Variants in PIK3R6 observed in about 807,000 individuals in gnomAD.
PIK3R6 encodes phosphoinositide-3-kinase regulatory subunit 6.
A neutral mutation model predicts 84.9 loss-of-function variants in PIK3R6; 91 were observed. That is an observed-to-expected ratio of 1.07 (90% CI 0.90 to 1.28). PIK3R6 has a LOEUF of 1.28. PIK3R6 is among the 50% of genes most tolerant of loss of function. The pLI, the probability that PIK3R6 is intolerant of heterozygous loss-of-function variation, is 0.00. For missense variants in PIK3R6, 996 were observed against 985.1 expected (o/e 1.01, Z -0.15); for synonymous variants, 416 against 411.4 (o/e 1.01, Z -0.13).
At chr17:8,840,655 AATATATATGAAATATATATATATAAAAT>A (rs2088647881) in intron 2 of PIK3R6, among the ~76,000 whole-genome samples, 1 of 147,540 alleles carries the variant, frequency 6.8e-6, no homozygotes, top group African/African-American at 2.5e-5. Context: ...ATATCCTCCA[AATATATATGAAATATATATATATAAAAT>A]ATATATATAA....
chr17:8,828,819 G>C lies in PIK3R6; in HGVS notation c.1061C>G (p.Pro354Arg), dbSNP rs1567585924. Residue 354 changes from proline (P) to arginine (R), a missense_variant, in exon 11 of 20, where the codon CCT becomes CGT. By Grantham distance (103) the Pro-to-Arg change is moderately radical. Transcript: ENST00000619866. ...CTCCATCTCAGGGCTGCCGGGTGCA[G>C]GCAGCTCATCAGCCCCCGTGGGAAG... ...RDLPTGADEL[P>R]APGSPEMERA... 6.3e-7 allele frequency: 1 copy of C among 1,591,058 alleles called. No individual in the cohort carries two copies. Among genetic ancestry groups the C allele is most frequent in the East Asian group, 2.2e-5 (1 of 44,580 alleles).
In PIK3R6 at chr17:8,854,298, G is replaced by A. The variant is rs553449071; in HGVS notation, c.-91-4413C>T. On this transcript the variant is annotated intron_variant, in intron 1 of 19. Coordinates refer to ENST00000619866, the MANE Select transcript of PIK3R6 (RefSeq NM_001010855.4). ...CAGGTAGCTGGGACTACAGGCACAC[G>A]CCACCATGCCCAGGTAATTTTTGTA... 3.9e-5 allele frequency among the ~76,000 whole-genome samples: 6 copies of A among 152,086 alleles called. No homozygotes were observed. The South Asian group carries it at 6.2e-4, about 16-fold the overall frequency.
At chr17:8,832,349 G>A (rs71369620) in intron 9 of PIK3R6, among the ~76,000 whole-genome samples, 21,198 of 147,610 alleles carry the variant, frequency 0.14, 1,814 homozygotes, top group African/African-American at 0.22. Flanking sequence ...GGCATCGGCG[G>A]TTATCATGAC....
intron 18 of PIK3R6, among the ~76,000 whole-genome samples, chr17:8,804,775 C>T (rs1567559919): frequency 6.6e-6 from 1 of 152,204 alleles, no homozygotes; most frequent in African/African-American, 2.4e-5. Flanking sequence ...GGTTGTGGTT[C>T]ATCCCACACA....
intron 11 of PIK3R6, 30 bp from the exon 12 acceptor site, chr17:8,828,220 TA>T (rs762407425): frequency 6.2e-7 from 1 of 1,607,000 alleles, no homozygotes; most frequent in Non-Finnish European, 8.5e-7. Flanking sequence ...CAGAGGAGGT[TA>T]GGGGCGGGGC....
intron 13 of PIK3R6, among the ~76,000 whole-genome samples, chr17:8,825,164 T>C (rs1296959589): frequency 1.3e-5 from 2 of 152,092 alleles, no homozygotes; most frequent in Non-Finnish European, 2.9e-5. Flanking sequence ...GACGCAAACT[T>C]TACACTTATA....
intron 18 of PIK3R6, among the ~76,000 whole-genome samples, chr17:8,815,234 T>A (rs1278992358): frequency 1.3e-5 from 2 of 152,066 alleles, no homozygotes; most frequent in Non-Finnish European, 2.9e-5. Context: ...TATTAAAAAG[T>A]TGATCATTCA....
chr17:8,829,501 GACACACACTCAT>G lies in PIK3R6; in HGVS notation c.889+193_889+204del, dbSNP rs1167886201. ...ACTCATGCACGCATACACACACACT[GACACACACTCAT>G]GCATACACACACACTGACACACGCA... On this transcript the variant is annotated intron_variant, in intron 10 of 19. Coordinates refer to ENST00000619866, the MANE Select transcript of PIK3R6 (RefSeq NM_001010855.4). Among the ~76,000 whole-genome samples, 1,073 of 123,162 alleles carry G rather than the reference GACACACACTCAT, an allele frequency of 8.7e-3. 26 individuals are homozygous for G. Among genetic ancestry groups the G allele is most frequent in the African/African-American group, 0.033 (1,016 of 30,892 alleles). 80.8% of individuals were successfully genotyped at this position (123,162 alleles called of 152,430 possible).
At chr17:8,832,513 G>T (rs1367420590) in intron 9 of PIK3R6, among the ~76,000 whole-genome samples, 2 of 149,772 alleles carry the variant, frequency 1.3e-5, no homozygotes, top group African/African-American at 2.5e-5. Flanking sequence ...ATCCCGAGTA[G>T]CTGGGACTGC....
At chr17:8,826,934 T>C (rs999639710) in intron 13 of PIK3R6, among the ~76,000 whole-genome samples, 1 of 152,188 alleles carries the variant, frequency 6.6e-6, no homozygotes, top group Non-Finnish European at 1.5e-5. Context: ...AGTACGAGCC[T>C]GGTAAGTGTC....
At chr17:8,829,432 GGATA>G (rs1567588093) in intron 10 of PIK3R6, among the ~76,000 whole-genome samples, 2 of 124,648 alleles carry the variant, frequency 1.6e-5, no homozygotes, top group African/African-American at 3.2e-5. Context: ...ACACACTCAT[GGATA>G]CACACACTGA....
chr17:8,835,188 A>G, intron 8 of PIK3R6, 85 bp downstream of exon 8: 1 of 1,283,816 alleles, frequency 7.8e-7, no homozygotes, highest in Non-Finnish European at 1.0e-6. Flanking sequence ...AAACAGGAGA[A>G]GGAGGAAGAG....
At position 8,802,925 on chromosome 17, in the gene PIK3R6, C is replaced by T. The variant is rs979862398; in HGVS notation, c.*348G>A. Reference sequence around the variant, plus strand: ...CACAGGGCTCTGGCCAAGACAGCAGCTTTAACCCTGGTTTTAAGGGCTGGA... The same window carrying T: ...CACAGGGCTCTGGCCAAGACAGCAGTTTTAACCCTGGTTTTAAGGGCTGGA... On this transcript the variant is annotated 3_prime_UTR_variant, in exon 20 of 20. Transcript: ENST00000619866. 2.3e-5 allele frequency: 6 copies of T among 261,646 alleles called. No homozygotes were observed. The highest frequency in any genetic ancestry group is 2.0e-4 in the South Asian group (5 of 24,732). The allele number at this position is 261,646 out of a possible 1,614,324, so 16.2% of individuals were successfully genotyped here. A position where few individuals can be genotyped will look rare whatever the true frequency, so the allele number is the denominator to read the frequency against.
At chr17:8,804,425 G>A (rs1434408843) in intron 18 of PIK3R6, among the ~76,000 whole-genome samples, 4 of 152,170 alleles carry the variant, frequency 2.6e-5, no homozygotes, top group Non-Finnish European at 4.4e-5. Flanking sequence ...GTGCTTGCCA[G>A]GTTGTCAAGT....
chr17:8,820,412 T>C (rs2087696421), intron 17 of PIK3R6, among the ~76,000 whole-genome samples: 1 of 146,692 alleles, frequency 6.8e-6, no homozygotes, highest in African/African-American at 2.6e-5. Flanking sequence ...ATTATCTCCA[T>C]TTTAGAAAAA....
At chr17:8,851,697 G>GT (rs1489393045) in intron 1 of PIK3R6, among the ~76,000 whole-genome samples, 1 of 152,140 alleles carries the variant, frequency 6.6e-6, no homozygotes, top group Non-Finnish European at 1.5e-5. Context: ...GTGGAAAATC[G>GT]TATGGCATGT....
intron 1 of PIK3R6, among the ~76,000 whole-genome samples, chr17:8,851,466 C>T (rs2088966890): frequency 6.6e-6 from 1 of 152,196 alleles, no homozygotes; most frequent in Non-Finnish European, 1.5e-5. Flanking sequence ...CACTGCACTC[C>T]AGCCTGGGCG....
chr17:8,819,687 T>TAC lies in PIK3R6; in HGVS notation c.1880-490_1880-489insGT, dbSNP rs1171970503. 7.8e-3 allele frequency among the ~76,000 whole-genome samples: 1,103 copies of TAC among 140,842 alleles called. 4 individuals are homozygous for TAC. Among genetic ancestry groups the TAC allele is most frequent in the Non-Finnish European group, 0.012 (790 of 65,678 alleles). 92.4% of individuals were successfully genotyped at this position (140,842 alleles called of 152,430 possible). A position where few individuals can be genotyped will look rare whatever the true frequency, so the allele number is the denominator to read the frequency against. On this transcript the variant is annotated intron_variant, in intron 17 of 19. Coordinates refer to ENST00000619866, the MANE Select transcript of PIK3R6 (RefSeq NM_001010855.4). ...TTTTTTGTGCATATATATATATATA[T>TAC]ATACACACACACACACACACATATA... is the stretch of plus-strand genomic sequence containing the variant.
chr17:8,859,941 T>G (rs1392505293), intron 1 of PIK3R6, among the ~76,000 whole-genome samples: 4 of 152,162 alleles, frequency 2.6e-5, no homozygotes, highest in African/African-American at 7.2e-5. Flanking sequence ...AGTCTCTCTC[T>G]CTATCCTATT....
Sources: gnomAD v4.1 joint callset for allele counts (sites outside exome capture counted in the v4.1 genomes callset) on GRCh38, gnomAD v4.1.1 for gene constraint, MANE v1.5 for transcripts, NCBI Gene and HGNC (gene_info 2026-07-23, HGNC 2026-07-21) for gene names.